DTNA: variants seen among roughly 807,000 people sequenced by gnomAD.
DTNA encodes dystrophin-related protein 3.
A neutral mutation model predicts 100.7 loss-of-function variants in DTNA; 43 were observed. The observed-to-expected ratio is 0.43, with a 90% CI of 0.33 to 0.55. The LOEUF (loss-of-function observed/expected upper bound fraction) is 0.55. Ranked by LOEUF, DTNA falls within the 20% of genes least tolerant of loss-of-function variation. The probability of loss-of-function intolerance (pLI) is 0.04; values close to 1 mark genes in which losing one functional copy is unlikely to be tolerated. For missense variants in DTNA, 798 were observed against 953.9 expected, an observed-to-expected ratio of 0.84 and a Z score of 2.15; for synonymous variants, 349 against 347.9, an observed-to-expected ratio of 1.00 and a Z score of -0.04.
At chr18:34,608,183 G>C (rs1448462846) in intron 1 of DTNA, among the ~76,000 whole-genome samples, 1 of 152,166 alleles carries the variant, frequency 6.6e-6, no homozygotes, top group South Asian at 2.1e-4. Flanking sequence ...TAACTGGGTT[G>C]GTATTTATAT....
At chr18:34,817,860 T>C (rs1390064093) in intron 7 of DTNA, 4 of 1,007,352 alleles carry the variant, frequency 4.0e-6, no homozygotes, top group Non-Finnish European at 5.2e-6. Flanking sequence ...GCAAGTCTGT[T>C]TGGCTAATTT....
At chr18:34,768,514 C>A (rs900358898) in intron 3 of DTNA, among the ~76,000 whole-genome samples, 1 of 152,142 alleles carries the variant, frequency 6.6e-6, no homozygotes, top group Non-Finnish European at 1.5e-5. Flanking sequence ...ATGCCTCCTG[C>A]TCTCTGAGAA....
intron 3 of DTNA, among the ~76,000 whole-genome samples, chr18:34,787,807 T>C (rs896245996): frequency 1.3e-5 from 2 of 152,216 alleles, no homozygotes; most frequent in African/African-American, 2.4e-5. Context: ...TAGAAAACCA[T>C]TGAAGCTTTG....
At chr18:34,791,328 A>G (rs976179315) in intron 3 of DTNA, among the ~76,000 whole-genome samples, 7 of 151,982 alleles carry the variant, frequency 4.6e-5, no homozygotes, top group African/African-American at 1.2e-4. Context: ...ATCATCCACA[A>G]CCAGGAACTA....
At chr18:34,627,015 A>G (rs2057410485) in intron 1 of DTNA, among the ~76,000 whole-genome samples, 1 of 152,184 alleles carries the variant, frequency 6.6e-6, no homozygotes, top group South Asian at 2.1e-4. Context: ...CTGACTCACA[A>G]TGCATGTTTT....
rs149228152 is a variant in DTNA at position 34,816,330 on chromosome 18, C to T, written c.709+316C>T. ...CATTATTTTGTATTTGTTTTAGATC[C>T]GAATTTCTCATATTTGCATACACGG... On this transcript the variant is annotated intron_variant, in intron 7 of 22. Coordinates refer to ENST00000444659, the MANE Select transcript of DTNA (RefSeq NM_001386795.1). Among the ~76,000 whole-genome samples, 36 of 152,090 alleles carry T rather than the reference C, an allele frequency of 2.4e-4. No homozygotes were observed. The East Asian group carries it at 6.0e-3, about 25-fold the overall frequency.
At chr18:34,525,925 G>T (rs2145355656) in intron 1 of DTNA, among the ~76,000 whole-genome samples, 1 of 152,188 alleles carries the variant, frequency 6.6e-6, no homozygotes, top group South Asian at 2.1e-4. Context: ...ACTGAAACGG[G>T]GCTCAAGTCC....
chr18:34,818,617 G>A, intron 8 of DTNA: 1 of 1,221,528 alleles, frequency 8.2e-7, no homozygotes, highest in Non-Finnish European at 1.0e-6. Context: ...TGAATAGCAA[G>A]GACCTTCTGG....
intron 1 of DTNA, among the ~76,000 whole-genome samples, chr18:34,553,271 G>A (rs2045653560): frequency 6.6e-6 from 1 of 151,474 alleles, no homozygotes; most frequent in Non-Finnish European, 1.5e-5. Context: ...TCTAGATTCT[G>A]GATATTAGCC....
At chr18:34,600,794 G>GT (rs1464597094) in intron 1 of DTNA, among the ~76,000 whole-genome samples, 3 of 152,166 alleles carry the variant, frequency 2.0e-5, no homozygotes, top group Non-Finnish European at 2.9e-5. Context: ...GTTTCCTCAG[G>GT]TAACAAACAA....
chr18:34,773,719 C>T (rs1171747336), intron 3 of DTNA, among the ~76,000 whole-genome samples: 2 of 152,152 alleles, frequency 1.3e-5, no homozygotes, highest in East Asian at 3.9e-4. Flanking sequence ...TGTAATAGGA[C>T]AATGGAAAAA....
chr18:34,596,358 A>G (rs1028610569), intron 1 of DTNA, among the ~76,000 whole-genome samples: 1 of 152,136 alleles, frequency 6.6e-6, no homozygotes, highest in Non-Finnish European at 1.5e-5. Flanking sequence ...AGCTGGGATT[A>G]CAGGCACATG....
At chr18:34,509,387 C>T (rs1483125437) in intron 1 of DTNA, among the ~76,000 whole-genome samples, 2 of 152,080 alleles carry the variant, frequency 1.3e-5, no homozygotes, top group African/African-American at 4.8e-5. Context: ...ACTGTGTCTT[C>T]TGTGGGTAGT....
chr18:34,824,291 C>G (rs996179904), intron 9 of DTNA, among the ~76,000 whole-genome samples: 41 of 151,944 alleles, frequency 2.7e-4, no homozygotes, highest in Non-Finnish European at 5.7e-4. Flanking sequence ...CTGGTTAACA[C>G]GATGAAACCC....
chr18:34,827,890 G>A (rs1027261692), intron 10 of DTNA, among the ~76,000 whole-genome samples: 2 of 152,206 alleles, frequency 1.3e-5, no homozygotes, highest in Non-Finnish European at 1.5e-5. Flanking sequence ...CTGGAAACCT[G>A]CATTTATAAT....
At chr18:34,738,650 GT>G (rs1191204823) in intron 1 of DTNA, among the ~76,000 whole-genome samples, 2 of 152,126 alleles carry the variant, frequency 1.3e-5, no homozygotes, top group Admixed American at 6.6e-5. Context: ...CCGTCCCGAT[GT>G]GACAAATCTC....
At chr18:34,672,120 A>T (rs2076839878) in intron 1 of DTNA, among the ~76,000 whole-genome samples, 1 of 152,312 alleles carries the variant, frequency 6.6e-6, no homozygotes, top group Non-Finnish European at 1.5e-5. Context: ...TCTTGTCCTG[A>T]TCAGCAAAAA....
At chr18:34,846,838 A>G (rs2096388179) in intron 13 of DTNA, among the ~76,000 whole-genome samples, 1 of 152,248 alleles carries the variant, frequency 6.6e-6, no homozygotes, top group Admixed American at 6.5e-5. Flanking sequence ...TGTACATATA[A>G]TAGTATGTTA....
At chr18:34,537,330 G>A (rs1038502688) in intron 1 of DTNA, among the ~76,000 whole-genome samples, 4 of 151,774 alleles carry the variant, frequency 2.6e-5, no homozygotes, top group Non-Finnish European at 5.9e-5. Context: ...TATAGCAAAC[G>A]TAACAATCTA....
Sources: allele counts gnomAD v4.1 joint callset (sites outside exome capture counted in the v4.1 genomes callset), GRCh38; gene constraint gnomAD v4.1.1; transcripts MANE v1.5; gene names NCBI Gene and HGNC (gene_info 2026-07-23, HGNC 2026-07-21).